NAV2: variants seen among roughly 807,000 people sequenced by gnomAD.
The protein encoded by NAV2 is helicase, APC down-regulated 1.
NAV2 carries 54 observed loss-of-function variants against 223.2 expected under a neutral mutation model. The observed-to-expected ratio is 0.24, with a 90% CI of 0.19 to 0.30. The LOEUF (loss-of-function observed/expected upper bound fraction) is 0.30. NAV2 is among the 10% of genes least tolerant of loss of function. The pLI is 1.00. For missense variants in NAV2, 2,806 were observed against 3,147.5 expected (o/e 0.89, Z 2.60); for synonymous variants, 1,279 against 1,239.3 (o/e 1.03, Z -0.67).
Position 19,923,962 on chromosome 11 carries a change from C to T in NAV2, c.932-9214C>T, listed in dbSNP as rs111265778. On this transcript the variant is annotated intron_variant, in intron 6 of 37. Transcript: ENST00000349880. ...ACTGAAAGATAAAGAATAGGCATGTCTTATATTTTTAAAGGTATCTTCCTT... is the reference window on the plus strand; with the variant it reads ...ACTGAAAGATAAAGAATAGGCATGTTTTATATTTTTAAAGGTATCTTCCTT... Among the ~76,000 whole-genome samples, 677 of 152,216 alleles carry T rather than the reference C, an allele frequency of 4.4e-3. 2 individuals carry two copies. Among genetic ancestry groups the T allele is most frequent in the Non-Finnish European group, 7.0e-3 (478 of 68,026 alleles).
chr11:20,031,531 A>G (rs2055738202), intron 11 of NAV2, among the ~76,000 whole-genome samples: 1 of 152,196 alleles, frequency 6.6e-6, no homozygotes, highest in Non-Finnish European at 1.5e-5. Flanking sequence ...AAAGAAAGGA[A>G]TTTACTATTT....
Position 19,670,814 on chromosome 11 carries a change from C to T in NAV2, c.76-161670C>T, listed in dbSNP as rs966070342. 3.9e-5 allele frequency among the ~76,000 whole-genome samples: 6 copies of T among 152,248 alleles called. No homozygotes were observed. In the South Asian group the frequency reaches 6.2e-4, roughly 16 times the overall value. On this transcript the variant is annotated intron_variant, in intron 1 of 37. Coordinates refer to the NAV2 transcript ENST00000360655. ...ATTATTAATAAAGACATAACAACCA[C>T]GCAGCCCTTTGTGTGGATAAATAAT...
intron 1 of NAV2, among the ~76,000 whole-genome samples, chr11:19,627,746 T>A (rs2047211745): frequency 6.6e-6 from 1 of 151,870 alleles, no homozygotes; most frequent in Non-Finnish European, 1.5e-5. Context: ...CAGTCTCCCA[T>A]CTATGCACTG....
chr11:19,404,050 A>G (rs1286783285), intron 1 of NAV2, among the ~76,000 whole-genome samples: 19 of 152,066 alleles, frequency 1.2e-4, no homozygotes, highest in Non-Finnish European at 2.8e-4. Context: ...GGACAGTGGG[A>G]GAAGGTCAGG....
At chr11:19,825,405 C>G (rs1236765401) in intron 1 of NAV2, among the ~76,000 whole-genome samples, 1 of 151,200 alleles carries the variant, frequency 6.6e-6, no homozygotes, top group Non-Finnish European at 1.5e-5. Context: ...TACAATCAAT[C>G]CACTGGAAAT....
At chr11:19,718,106 C>G (rs752605729) in intron 1 of NAV2, among the ~76,000 whole-genome samples, 2 of 150,786 alleles carry the variant, frequency 1.3e-5, no homozygotes, top group African/African-American at 4.9e-5. Flanking sequence ...AGCACACCTC[C>G]CCTGAATTAC....
At chr11:19,446,521 G>A (rs1851588290) in intron 1 of NAV2, among the ~76,000 whole-genome samples, 2 of 152,146 alleles carry the variant, frequency 1.3e-5, no homozygotes, top group African/African-American at 4.8e-5. Flanking sequence ...TCCAGAGAAT[G>A]GAGTTTTTGG....
At chr11:19,410,729 T>G (rs1850110241) in intron 1 of NAV2, among the ~76,000 whole-genome samples, 1 of 152,224 alleles carries the variant, frequency 6.6e-6, no homozygotes, top group South Asian at 2.1e-4. Flanking sequence ...TTCATGACAT[T>G]CATCCCTGCA....
At chr11:19,829,769 G>T (rs977345888) in intron 1 of NAV2, among the ~76,000 whole-genome samples, 1 of 152,232 alleles carries the variant, frequency 6.6e-6, no homozygotes, top group South Asian at 2.1e-4. Flanking sequence ...ATCAGGACAG[G>T]CACTTCCATA....
At chr11:19,778,847 C>G (rs2056501987) in intron 1 of NAV2, among the ~76,000 whole-genome samples, 1 of 152,228 alleles carries the variant, frequency 6.6e-6, no homozygotes, top group Non-Finnish European at 1.5e-5. Context: ...CATAATTTCT[C>G]TCCAAGCTGT....
intron 1 of NAV2, among the ~76,000 whole-genome samples, chr11:19,383,219 G>A (rs1358782658): frequency 2.0e-5 from 3 of 152,126 alleles, no homozygotes; most frequent in Non-Finnish European, 4.4e-5. Context: ...CTGTGGCCAT[G>A]TCAATGAATT....
chr11:19,598,360 G>T (rs993514533), intron 1 of NAV2, among the ~76,000 whole-genome samples: 2 of 152,258 alleles, frequency 1.3e-5, no homozygotes, highest in African/African-American at 4.8e-5. Flanking sequence ...GACGGTCACT[G>T]TGCTTTGTTT....
intron 11 of NAV2, among the ~76,000 whole-genome samples, chr11:20,012,692 G>A (rs2896593): frequency 0.019 from 75 of 3,914 alleles, 25 homozygotes; most frequent in Non-Finnish European, 0.023. Flanking sequence ...AAAAAAAAAA[G>A]AAGGGGGAAA....
chr11:20,024,111 A>G (rs923148741), intron 11 of NAV2, among the ~76,000 whole-genome samples: 1 of 152,110 alleles, frequency 6.6e-6, no homozygotes, highest in South Asian at 2.1e-4. Flanking sequence ...TTACCTGTTA[A>G]TTTTAAATGT....
At chr11:19,850,770 AG>A (rs1170101019) in intron 3 of NAV2, among the ~76,000 whole-genome samples, 5 of 152,360 alleles carry the variant, frequency 3.3e-5, no homozygotes, top group Admixed American at 6.5e-5. Context: ...CACAACCACC[AG>A]TTTATTAATG....
chr11:19,607,433 C>T (rs2046509473), intron 1 of NAV2, among the ~76,000 whole-genome samples: 1 of 152,224 alleles, frequency 6.6e-6, no homozygotes, highest in African/African-American at 2.4e-5. Flanking sequence ...GAGGCACTGC[C>T]TTTCTAAGTG....
At chr11:19,434,108 C>T (rs1489171201) in intron 1 of NAV2, among the ~76,000 whole-genome samples, 1 of 70,730 alleles carries the variant, frequency 1.4e-5, no homozygotes, top group South Asian at 5.8e-4. Flanking sequence ...GGAAAATGAG[C>T]CAAAAAAAAA....
chr11:19,832,034 G>A (rs1348842830), intron 1 of NAV2, among the ~76,000 whole-genome samples: 1 of 152,204 alleles, frequency 6.6e-6, no homozygotes, highest in Non-Finnish European at 1.5e-5. Context: ...TAGCTCAATA[G>A]CCCTCCTTAC....
chr11:19,582,409 C>T (rs1413512323), intron 1 of NAV2, among the ~76,000 whole-genome samples: 1 of 152,134 alleles, frequency 6.6e-6, no homozygotes, highest in East Asian at 1.9e-4. Flanking sequence ...GTTGCCATTG[C>T]TTTTGGTGTT....
Sources: gnomAD v4.1 joint callset for allele counts (sites outside exome capture counted in the v4.1 genomes callset) on GRCh38, gnomAD v4.1.1 for gene constraint, MANE v1.5 for transcripts, NCBI Gene and HGNC (gene_info 2026-07-23, HGNC 2026-07-21) for gene names.